Variants in GIPC2 observed in about 807,000 individuals in gnomAD.
GIPC2 encodes PDZ domain-containing protein GIPC2.
In GIPC2, 30 loss-of-function variants were observed where a neutral mutation model predicts 30.6. That is an observed-to-expected ratio of 0.98 (90% confidence interval 0.73 to 1.33). The LOEUF (loss-of-function observed/expected upper bound fraction) is 1.33, where lower values mean the gene tolerates loss of function less well. GIPC2 is among the 40% of genes most tolerant of loss of function. The pLI is 0.00. For missense variants in GIPC2, 414 were observed against 390.3 expected, an observed-to-expected ratio of 1.06 and a Z score of -0.51; for synonymous variants, 167 against 150.0, an observed-to-expected ratio of 1.11 and a Z score of -0.83.
chr1:78,062,544 G>A (rs1278265192), intron 1 of GIPC2, among the ~76,000 whole-genome samples: 5 of 147,436 alleles, frequency 3.4e-5, no homozygotes, highest in Admixed American at 1.4e-4. Context: ...GTCTCAGTCT[G>A]TCACCCAGAC....
intron 2 of GIPC2, among the ~76,000 whole-genome samples, chr1:78,085,280 C>T (rs1172479748): frequency 1.2e-4 from 18 of 152,148 alleles, no homozygotes; most frequent in Admixed American, 1.2e-3. Flanking sequence ...GGGATGAAGC[C>T]TACTTGCTCA....
chr1:78,069,269 G>A (rs535100582), intron 1 of GIPC2: 1 of 181,718 alleles, frequency 5.5e-6, no homozygotes, highest in Non-Finnish European at 1.1e-5. Context: ...TGAAAAGCCT[G>A]AACCTAGAAG....
chr1:78,053,398 A>G (rs1463317016), intron 1 of GIPC2, among the ~76,000 whole-genome samples: 1 of 152,066 alleles, frequency 6.6e-6, no homozygotes, highest in Non-Finnish European at 1.5e-5. Context: ...ATCACCTAAC[A>G]CAAGCCCAAA....
In GIPC2 at chr1:78,046,241, G is replaced by T. The variant is rs373840783; in HGVS notation, c.147G>T (p.Ala49=). The T allele has an allele frequency of 9.3e-6, 15 of 1,608,422 alleles. No homozygotes were observed. The African/African-American group carries it at 1.7e-4, about 19-fold the overall frequency. The part of the protein sequence containing the change: ...ARRLVFHAQL[A]HGSATGRVEG... ...GGCTGGTCTTCCACGCGCAGCTGGCGCACGGTAGTGCCACGGGCCGAGTGG... is the reference window on the plus strand; with the variant it reads ...GGCTGGTCTTCCACGCGCAGCTGGCTCACGGTAGTGCCACGGGCCGAGTGG... Residue 49 remains alanine (A), a synonymous_variant, in exon 1 of 6, where the codon GCG becomes GCT. Coordinates refer to ENST00000370759, the MANE Select transcript of GIPC2 (RefSeq NM_017655.6).
chr1:78,110,528 T>C (rs1250708126), intron 3 of GIPC2, among the ~76,000 whole-genome samples: 1 of 152,266 alleles, frequency 6.6e-6, no homozygotes, highest in Non-Finnish European at 1.5e-5. Context: ...TCCTTTGCTC[T>C]GGTGACATGC....
At chr1:78,064,112 A>G (rs998146344) in intron 1 of GIPC2, among the ~76,000 whole-genome samples, 2 of 152,246 alleles carry the variant, frequency 1.3e-5, no homozygotes, top group African/African-American at 4.8e-5. Flanking sequence ...TTCTGAAACG[A>G]TAAATAACTC....
At chr1:78,071,332 A>G (rs1443468572) in intron 1 of GIPC2, among the ~76,000 whole-genome samples, 2 of 152,134 alleles carry the variant, frequency 1.3e-5, no homozygotes, top group Non-Finnish European at 2.9e-5. Flanking sequence ...TTTGATATTT[A>G]TGTTTGGCTT....
chr1:78,066,863 C>A (rs1289494980), intron 1 of GIPC2, among the ~76,000 whole-genome samples: 1 of 152,088 alleles, frequency 6.6e-6, no homozygotes, highest in East Asian at 1.9e-4. Flanking sequence ...AAAGAAGCAA[C>A]AGACACTGGG....
intron 3 of GIPC2, among the ~76,000 whole-genome samples, chr1:78,095,600 T>G (rs1003573780): frequency 6.6e-6 from 1 of 152,196 alleles, no homozygotes; most frequent in African/African-American, 2.4e-5. Flanking sequence ...TTTCCTCCAT[T>G]GGCATTTTGA....
intron 4 of GIPC2, among the ~76,000 whole-genome samples, chr1:78,121,612 G>C (rs1039090928): frequency 7.9e-5 from 12 of 152,168 alleles, no homozygotes; most frequent in Admixed American, 1.3e-4. Context: ...AGTCAAATGC[G>C]TGGGTTCTGG....
chr1:78,134,031 T>A (rs2100458090), intron 5 of GIPC2, among the ~76,000 whole-genome samples: 1 of 152,250 alleles, frequency 6.6e-6, no homozygotes, highest in African/African-American at 2.4e-5. Flanking sequence ...CTGCCATTTT[T>A]CTGAGGAAGT....
chr1:78,062,224 G>A (rs1440003121), intron 1 of GIPC2, among the ~76,000 whole-genome samples: 1 of 152,156 alleles, frequency 6.6e-6, no homozygotes, highest in Non-Finnish European at 1.5e-5. Flanking sequence ...TAATGTAGTA[G>A]TGGTTGTATA....
chr1:78,055,078 A>G (rs1661263442), intron 1 of GIPC2, among the ~76,000 whole-genome samples: 2 of 152,164 alleles, frequency 1.3e-5, no homozygotes, highest in African/African-American at 4.8e-5. Flanking sequence ...TAAACAACAA[A>G]AATTTATTGA....
intron 5 of GIPC2, among the ~76,000 whole-genome samples, chr1:78,128,767 C>T (rs1188239729): frequency 1.3e-5 from 2 of 150,158 alleles, no homozygotes; most frequent in Admixed American, 1.3e-4. Flanking sequence ...TAACCCTAAC[C>T]CTAACCCTAA....
chr1:78,050,926 G>A (rs1457366970), intron 1 of GIPC2, among the ~76,000 whole-genome samples: 1 of 152,108 alleles, frequency 6.6e-6, no homozygotes, highest in Non-Finnish European at 1.5e-5. Flanking sequence ...GAGCCACCGT[G>A]TCCGGCCAAT....
At chr1:78,084,150 A>G (rs1661883529) in intron 2 of GIPC2, among the ~76,000 whole-genome samples, 1 of 152,192 alleles carries the variant, frequency 6.6e-6, no homozygotes, top group Non-Finnish European at 1.5e-5. Context: ...AGCTGTGCTC[A>G]TACATTGCTA....
At chr1:78,066,979 C>G (rs1417264550) in intron 1 of GIPC2, among the ~76,000 whole-genome samples, 2 of 151,956 alleles carry the variant, frequency 1.3e-5, no homozygotes, top group African/African-American at 4.8e-5. Flanking sequence ...CAACAAACTC[C>G]CATGACACAA....
upstream of GIPC2, chr1:78,045,098 A>G: frequency 1.0e-6 from 1 of 981,742 alleles, no homozygotes. Context: ...AGACCAAGTA[A>G]GATAAAAACC....
At chr1:78,056,919 C>T (rs1349387991) in intron 1 of GIPC2, among the ~76,000 whole-genome samples, 1 of 152,086 alleles carries the variant, frequency 6.6e-6, no homozygotes, top group East Asian at 1.9e-4. Flanking sequence ...TGTTCTCTTT[C>T]CAGTGTATTT....
Sources: allele counts gnomAD v4.1 joint callset (sites outside exome capture counted in the v4.1 genomes callset), GRCh38; gene constraint gnomAD v4.1.1; transcripts MANE v1.5; gene names NCBI Gene and HGNC (gene_info 2026-07-23, HGNC 2026-07-21).